Variants in ERC2 observed in about 807,000 individuals in gnomAD.
ERC2 encodes ERC protein 2.
In ERC2, 42 loss-of-function variants were observed where a neutral mutation model predicts 114.8. The observed-to-expected ratio is 0.37, with a 90% confidence interval of 0.29 to 0.47. The LOEUF is 0.47. ERC2 is among the 20% of genes least tolerant of loss of function. The probability of loss-of-function intolerance (pLI) is 0.99; values close to 1 mark genes in which losing one functional copy is unlikely to be tolerated. For synonymous variants in ERC2, 454 were observed against 425.5 expected, an observed-to-expected ratio of 1.07 and a Z score of -0.82; for missense variants, 939 against 1,150.7, an observed-to-expected ratio of 0.82 and a Z score of 2.66.
intron 17 of ERC2, among the ~76,000 whole-genome samples, chr3:55,668,950 G>A (rs773584743): frequency 1.3e-5 from 2 of 152,182 alleles, no homozygotes; most frequent in Admixed American, 6.5e-5. Context: ...AAACAGGTAA[G>A]TATTAGTTAA....
At chr3:55,864,517 T>A (rs139084172) in intron 14 of ERC2, among the ~76,000 whole-genome samples, 3 of 152,252 alleles carry the variant, frequency 2.0e-5, no homozygotes, top group African/African-American at 7.2e-5. Context: ...TACATCCATG[T>A]GCAGCAATTC....
chr3:55,944,497 T>C (rs1010064223), intron 13 of ERC2, among the ~76,000 whole-genome samples: 9 of 152,210 alleles, frequency 5.9e-5, no homozygotes, highest in Non-Finnish European at 1.2e-4. Flanking sequence ...AATATGCAAG[T>C]TACTGCACAT....
At chr3:55,806,718 T>C (rs564853416) in intron 14 of ERC2, among the ~76,000 whole-genome samples, 65 of 152,126 alleles carry the variant, frequency 4.3e-4, no homozygotes, top group Non-Finnish European at 7.3e-4. Flanking sequence ...AAAATGCCAA[T>C]AGTGGCAAGG....
intron 13 of ERC2, among the ~76,000 whole-genome samples, chr3:55,891,943 A>C (rs1281811426): frequency 1.3e-5 from 2 of 152,222 alleles, no homozygotes; most frequent in African/African-American, 4.8e-5. Flanking sequence ...CTTCTTTGAA[A>C]TAACATTTTA....
chr3:55,600,913 C>T lies in ERC2; in HGVS notation c.*39+82881G>A, dbSNP rs113291702. ...GCTGATGTCGCTCCTACTGGCCCTG[C>T]CATGTGGCATCTGGATGAGGAGCTG... On this transcript the variant is annotated intron_variant, in intron 17 of 17. Transcript: ENST00000288221. Among the ~76,000 whole-genome samples, 878 of 152,370 alleles carry T rather than the reference C, an allele frequency of 5.8e-3. 14 individuals are homozygous for T. The highest frequency in any genetic ancestry group is 0.02 in the African/African-American group (840 of 41,592).
At chr3:55,712,562 T>C (rs1159836915) in intron 15 of ERC2, among the ~76,000 whole-genome samples, 1 of 152,196 alleles carries the variant, frequency 6.6e-6, no homozygotes, top group Non-Finnish European at 1.5e-5. Flanking sequence ...GTAGAAACAA[T>C]CTAATACAAC....
At chr3:56,134,501 T>C (rs1204933739) in intron 6 of ERC2, among the ~76,000 whole-genome samples, 3 of 152,220 alleles carry the variant, frequency 2.0e-5, no homozygotes, top group African/African-American at 4.8e-5. Context: ...CTAGAGCATC[T>C]ATAAACTACC....
intron 6 of ERC2, among the ~76,000 whole-genome samples, chr3:56,126,860 GGC>G (rs2079905718): frequency 7.3e-6 from 1 of 136,936 alleles, no homozygotes; most frequent in Non-Finnish European, 1.6e-5. Flanking sequence ...GGAAAAGAAA[GGC>G]AAGGCAAGGC....
At chr3:55,692,530 C>G (rs2062721047) in intron 16 of ERC2, among the ~76,000 whole-genome samples, 1 of 152,132 alleles carries the variant, frequency 6.6e-6, no homozygotes, top group African/African-American at 2.4e-5. Flanking sequence ...CTAATTCTAC[C>G]TGAGAGCAGT....
intron 13 of ERC2, among the ~76,000 whole-genome samples, chr3:55,929,929 CT>C (rs1460575676): frequency 6.6e-6 from 1 of 152,172 alleles, no homozygotes; most frequent in Admixed American, 6.6e-5. Flanking sequence ...GGCAATTAAA[CT>C]TCTTTTATTT....
chr3:56,178,191 C>G (rs557123672), intron 3 of ERC2, among the ~76,000 whole-genome samples: 2 of 152,254 alleles, frequency 1.3e-5, no homozygotes, highest in African/African-American at 2.4e-5. Context: ...CAAGATGAAC[C>G]TGTCAGAATA....
At chr3:56,002,715 G>A (rs2072168225) in intron 10 of ERC2, among the ~76,000 whole-genome samples, 1 of 152,070 alleles carries the variant, frequency 6.6e-6, no homozygotes, top group Non-Finnish European at 1.5e-5. Flanking sequence ...TCTGTCACTT[G>A]AATAAAACAG....
In ERC2 at chr3:55,950,531, G is replaced by A; in HGVS notation, c.2297C>T (p.Ala766Val). 1 of 1,613,924 alleles carries A rather than the reference G, an allele frequency of 6.2e-7. No homozygotes were observed. ...RHMKDQNKKV[A>V]NLKHNQQLEK... ...CAACTGTTGATTGTGCTTGAGGTTG[G>A]CCACCTTCTTATTCTGATCTTTCAT... Residue 766 changes from alanine (A) to valine (V), a missense_variant, in exon 13 of 18, where the codon GCC becomes GTC. By Grantham distance (64) the Ala-to-Val change is moderately conservative. Coordinates refer to ENST00000288221, the MANE Select transcript of ERC2 (RefSeq NM_015576.3).
At chr3:55,725,482 GTT>G (rs781773885) in intron 15 of ERC2, among the ~76,000 whole-genome samples, 5 of 152,154 alleles carry the variant, frequency 3.3e-5, no homozygotes, top group Middle Eastern at 6.8e-3. Flanking sequence ...GCAGGCAAAG[GTT>G]TTTGAACTTC....
intron 7 of ERC2, among the ~76,000 whole-genome samples, chr3:56,031,289 C>T (rs1331337613): frequency 6.6e-6 from 1 of 152,152 alleles, no homozygotes; most frequent in Non-Finnish European, 1.5e-5. Context: ...TCCAGTCCCA[C>T]CCTAAATAAC....
intron 13 of ERC2, among the ~76,000 whole-genome samples, chr3:55,896,114 A>G (rs1022089360): frequency 6.6e-6 from 1 of 151,686 alleles, no homozygotes; most frequent in African/African-American, 2.4e-5. Flanking sequence ...GGAGATACAC[A>G]CTCCTTTCCT....
chr3:55,684,379 C>T (rs920549293), intron 16 of ERC2, among the ~76,000 whole-genome samples: 7 of 151,930 alleles, frequency 4.6e-5, no homozygotes, highest in East Asian at 1.9e-4. Context: ...TTTCAGCATG[C>T]GATAATTCAT....
intron 17 of ERC2, among the ~76,000 whole-genome samples, chr3:55,643,711 T>C (rs1353189806): frequency 6.6e-6 from 1 of 152,216 alleles, no homozygotes; most frequent in African/African-American, 2.4e-5. Flanking sequence ...TTTTTAAACA[T>C]ATGTATTACT....
chr3:56,457,782 C>T (rs2063130115), intron 1 of ERC2, among the ~76,000 whole-genome samples: 1 of 152,262 alleles, frequency 6.6e-6, no homozygotes, highest in South Asian at 2.1e-4. Context: ...ATGCTATTCC[C>T]CCTGTTATTT....
Sources: gnomAD v4.1 joint callset for allele counts (sites outside exome capture counted in the v4.1 genomes callset) on GRCh38, gnomAD v4.1.1 for gene constraint, MANE v1.5 for transcripts, NCBI Gene and HGNC (gene_info 2026-07-23, HGNC 2026-07-21) for gene names.